Variants in ARPC2 observed in about 807,000 individuals in gnomAD.
ARPC2 encodes actin-related protein 2/3 complex subunit 2.
A neutral mutation model predicts 38.6 loss-of-function variants in ARPC2; 4 were observed. The observed-to-expected ratio is 0.10, with a 90% CI of 0.05 to 0.24. The LOEUF (loss-of-function observed/expected upper bound fraction) is 0.24, where lower values mean the gene tolerates loss of function less well. ARPC2 is among the 10% of genes least tolerant of loss of function. The pLI is 1.00. For synonymous variants in ARPC2, 125 were observed against 140.8 expected, an observed-to-expected ratio of 0.89 and a Z score of 0.79; for missense variants, 229 against 387.3, an observed-to-expected ratio of 0.59 and a Z score of 3.43.
In ARPC2 at chr2:218,217,265, T is replaced by G. The variant is rs1689267567; in HGVS notation, c.-9+11T>G. Reference sequence around the variant, plus strand: ...GGCTTCGGGGGCCAGGTCGGTTGGGTGGGTGGGTGTCTCCACAGTCTGCGT... The same window carrying G: ...GGCTTCGGGGGCCAGGTCGGTTGGGGGGGTGGGTGTCTCCACAGTCTGCGT... On this transcript the variant is annotated intron_variant, in intron 1 of 10. Transcript: ENST00000315717. The G allele has an allele frequency of 4.5e-6, 2 of 445,564 alleles. No individual in the cohort carries two copies. The highest frequency in any genetic ancestry group is 7.9e-6 in the Non-Finnish European group (2 of 253,360). The allele number at this position is 445,564 out of a possible 1,614,324, so 27.6% of individuals were successfully genotyped here.
Position 218,217,539 on chromosome 2 carries a change from C to G in ARPC2, c.69C>G (p.Ala23=). 1 of 1,612,016 alleles carries G rather than the reference C, an allele frequency of 6.2e-7. No homozygotes were observed. The highest frequency in any genetic ancestry group is 8.5e-7 in the Non-Finnish European group (1 of 1,179,084). ...ETLALKFENA[A]AGNKPEAVEV... ...TCGCGCTCAAGTTCGAGAACGCGGC[C>G]GCCGGGTGAGCGCGCGCCCGGGGCC... Residue 23 remains alanine (A), a synonymous_variant, in exon 2 of 11, where the codon GCC becomes GCG. Transcript: ENST00000315717.
chr2:218,217,527 C>G lies in ARPC2; in HGVS notation c.57C>G (p.Phe19Leu), dbSNP rs769151697. The change falls in exon 2 of 11, where the codon TTC becomes TTG. Residue 19 changes from phenylalanine to leucine, a missense_variant. This residue lies in a region of ARPC2 where 135 missense variants were observed against 214.1 expected (regional missense o/e 0.63). Transcript: ENST00000315717. ...RIIEETLALK[F>L]ENAAAGNKPE... ...TCGAGGAGACGCTCGCGCTCAAGTT[C>G]GAGAACGCGGCCGCCGGGTGAGCGC... The G allele has an allele frequency of 6.2e-7, 1 of 1,613,250 alleles. No individual in the cohort carries two copies. The highest frequency in any genetic ancestry group is 8.5e-7 in the Non-Finnish European group (1 of 1,179,660).
chr2:218,228,201 G>C (rs962656329), intron 3 of ARPC2, among the ~76,000 whole-genome samples: 33 of 152,018 alleles, frequency 2.2e-4, no homozygotes, highest in African/African-American at 7.5e-4. Flanking sequence ...TCAGGAGTTC[G>C]AGACCAGCCT....
intron 1 of ARPC2, 93 bp downstream of exon 1, chr2:218,217,347 T>A: frequency 2.5e-6 from 2 of 790,182 alleles, no homozygotes; most frequent in East Asian, 2.6e-5. Flanking sequence ...TCTCCCCTTC[T>A]CCCCTAACCT....
chr2:218,222,080 C>T (rs1344563904), intron 2 of ARPC2, among the ~76,000 whole-genome samples: 1 of 152,040 alleles, frequency 6.6e-6, no homozygotes, highest in African/African-American at 2.4e-5. Context: ...CCAGCCTGGC[C>T]AACATGACAA....
intron 3 of ARPC2, among the ~76,000 whole-genome samples, chr2:218,227,593 A>G (rs1232073128): frequency 7.6e-6 from 1 of 132,324 alleles, no homozygotes. Context: ...CACCCGGCTA[A>G]TTTTTTTTTT....
At position 218,253,888 on chromosome 2, in the gene ARPC2, A is replaced by C. The variant is rs112665700; in HGVS notation, c.879-3A>C. The C allele has an allele frequency of 6.2e-7, 1 of 1,613,828 alleles. No individual in the cohort carries two copies. The highest frequency in any genetic ancestry group is 8.5e-7 in the Non-Finnish European group (1 of 1,179,956). ...ACCTTCGCACTTATCTCTCCTTTTG[A>C]AGGGGGAAGACGTTTTCATCCCGCT... On this transcript the variant is annotated splice_polypyrimidine_tract_variant and splice_region_variant and intron_variant, in intron 10 of 10. Transcript: ENST00000315717.
chr2:218,231,011 C>T (rs1212709171), intron 4 of ARPC2, among the ~76,000 whole-genome samples: 2 of 152,200 alleles, frequency 1.3e-5, no homozygotes, highest in East Asian at 1.9e-4. Context: ...GAACCAGCCC[C>T]ACCCACTCAA....
Position 218,242,617 on chromosome 2 carries a change from G to A in ARPC2, c.550-2803G>A, listed in dbSNP as rs577950142. 3.3e-5 allele frequency among the ~76,000 whole-genome samples: 5 copies of A among 152,336 alleles called. No homozygotes were observed. In the East Asian group the frequency reaches 7.7e-4, roughly 23 times the overall value. ...GGTAGTGGCATTTTATCATCTACCA[G>A]TGATGGAGAGGAGTGCCTGTTTTCC... On this transcript the variant is annotated intron_variant, in intron 7 of 10. Transcript: ENST00000315717.
chr2:218,244,505 G>A (rs957011837), intron 7 of ARPC2, among the ~76,000 whole-genome samples: 2 of 152,238 alleles, frequency 1.3e-5, no homozygotes, highest in African/African-American at 4.8e-5. Flanking sequence ...AAATTACAAA[G>A]ATAAATTAAG....
intron 5 of ARPC2, 40 bp downstream of exon 5, chr2:218,234,437 G>A: frequency 6.8e-7 from 1 of 1,473,414 alleles, no homozygotes; most frequent in Non-Finnish European, 9.3e-7. Context: ...GACATGGGAA[G>A]AGAGGTGTCC....
intron 10 of ARPC2, among the ~76,000 whole-genome samples, chr2:218,252,253 G>A (rs1260664196): frequency 3.3e-5 from 5 of 152,126 alleles, no homozygotes; most frequent in East Asian, 1.9e-4. Context: ...AAGTCACCTC[G>A]ACTTCTTTAG....
chr2:218,227,001 T>C (rs780513310), intron 3 of ARPC2: 4 of 456,530 alleles, frequency 8.8e-6, no homozygotes, highest in Non-Finnish European at 1.8e-5. Flanking sequence ...GTTAGGTGAA[T>C]GAACTCAGAG....
chr2:218,234,998 T>C (rs1689734883), intron 5 of ARPC2: 2 of 374,254 alleles, frequency 5.3e-6, no homozygotes, highest in Non-Finnish European at 1.1e-5. Context: ...TTCAGTGGCA[T>C]GTCTCAAATT....
chr2:218,250,034 G>C (rs1690146649), intron 10 of ARPC2, 113 bp downstream of exon 10: 1 of 880,148 alleles, frequency 1.1e-6, no homozygotes, highest in Non-Finnish European at 1.7e-6. Flanking sequence ...TACATATGAG[G>C]TCAGCAGGGC....
At chr2:218,224,340 A>C (rs1418135938) in intron 2 of ARPC2, among the ~76,000 whole-genome samples, 1 of 152,184 alleles carries the variant, frequency 6.6e-6, no homozygotes, top group Non-Finnish European at 1.5e-5. Flanking sequence ...TTAAAAAAAA[A>C]CTTACTAAGT....
intron 2 of ARPC2, among the ~76,000 whole-genome samples, chr2:218,221,311 A>T (rs1247378051): frequency 2.6e-5 from 4 of 152,250 alleles, no homozygotes; most frequent in Non-Finnish European, 5.9e-5. Flanking sequence ...TTGAAAAAGG[A>T]ATAAATTAAA....
intron 4 of ARPC2, among the ~76,000 whole-genome samples, chr2:218,230,553 C>T (rs769829466): frequency 1.3e-5 from 2 of 152,120 alleles, no homozygotes; most frequent in Non-Finnish European, 2.9e-5. Context: ...CCTTCCTGGG[C>T]CTCCCAAAGT....
intron 7 of ARPC2, 92 bp from the exon 8 acceptor site, chr2:218,245,328 A>T: frequency 6.5e-7 from 1 of 1,526,790 alleles, no homozygotes; most frequent in East Asian, 2.3e-5. Context: ...AGGGCTACAA[A>T]GGTCACACCA....
Sources: allele counts gnomAD v4.1 joint callset (sites outside exome capture counted in the v4.1 genomes callset), GRCh38; gene constraint gnomAD v4.1.1; regional missense constraint gnomAD v4.1.1; transcripts MANE v1.5; gene names NCBI Gene and HGNC (gene_info 2026-07-23, HGNC 2026-07-21).